The following LRMDA variants were observed in gnomAD, a reference collection of about 807,000 sequenced individuals.
LRMDA encodes the protein leucine rich melanocyte differentiation associated, also known as leucine-rich melanocyte differentiation-associated protein.
A neutral mutation model predicts 29.8 loss-of-function variants in LRMDA; 18 were observed. The ratio of observed to expected loss-of-function variants is 0.60; its 90% CI spans 0.42 to 0.90. LRMDA has a LOEUF of 0.90. Among genes scored for constraint, LRMDA ranks in the 40% least tolerant of loss-of-function variants. LRMDA has a pLI of 0.00. For missense variants in LRMDA, 273 were observed against 273.9 expected, an observed-to-expected ratio of 1.00 and a Z score of 0.02; for synonymous variants, 125 against 109.4, an observed-to-expected ratio of 1.14 and a Z score of -0.89.
At chr10:75,834,926 G>A (rs1381027991) in intron 2 of LRMDA, among the ~76,000 whole-genome samples, 1 of 152,174 alleles carries the variant, frequency 6.6e-6, no homozygotes, top group African/African-American at 2.4e-5. Flanking sequence ...GCCTGTTCAA[G>A]CCCATGTAAG....
intron 2 of LRMDA, among the ~76,000 whole-genome samples, chr10:75,897,253 T>G (rs763001578): frequency 1.3e-5 from 2 of 152,222 alleles, no homozygotes; most frequent in African/African-American, 2.4e-5. Context: ...TCAACAATTC[T>G]TTTCCTAGAA....
intron 2 of LRMDA, among the ~76,000 whole-genome samples, chr10:75,686,878 C>G (rs1842089336): frequency 6.6e-6 from 1 of 152,204 alleles, no homozygotes; most frequent in Non-Finnish European, 1.5e-5. Flanking sequence ...ATGTTAGTAA[C>G]TCTTGAAATA....
At chr10:75,814,502 G>A (rs539289133) in intron 2 of LRMDA, among the ~76,000 whole-genome samples, 11 of 152,112 alleles carry the variant, frequency 7.2e-5, no homozygotes, top group South Asian at 2.1e-4. Context: ...TTGGACTTTC[G>A]TTTTGTTTGT....
chr10:76,287,487 G>T (rs1322561), intron 5 of LRMDA, among the ~76,000 whole-genome samples: 76,748 of 151,476 alleles, frequency 0.51, 19,723 homozygotes, highest in African/African-American at 0.6. Flanking sequence ...TTGACTCTAA[G>T]CAATTTGAGG....
chr10:75,822,681 C>T (rs1279573808), intron 2 of LRMDA, among the ~76,000 whole-genome samples: 1 of 151,638 alleles, frequency 6.6e-6, no homozygotes, highest in East Asian at 1.9e-4. Flanking sequence ...TGATCTTTGA[C>T]AAAGTTGAAA....
chr10:76,537,344 T>G (rs1013136976), intron 6 of LRMDA, among the ~76,000 whole-genome samples: 3 of 152,258 alleles, frequency 2.0e-5, no homozygotes, highest in Non-Finnish European at 2.9e-5. Context: ...GTGTATATTT[T>G]AATCATAATT....
At chr10:76,338,407 A>G (rs1374727464) in intron 6 of LRMDA, among the ~76,000 whole-genome samples, 2 of 151,936 alleles carry the variant, frequency 1.3e-5, no homozygotes, top group African/African-American at 4.8e-5. Flanking sequence ...TAATAAATAA[A>G]TGGATGTAGA....
intron 2 of LRMDA, among the ~76,000 whole-genome samples, chr10:75,949,659 C>G (rs1481947620): frequency 1.3e-5 from 2 of 152,154 alleles, no homozygotes; most frequent in Non-Finnish European, 2.9e-5. Context: ...CAATATTATG[C>G]TTCTCTCCTT....
chr10:76,112,545 C>G (rs979046991), intron 5 of LRMDA, among the ~76,000 whole-genome samples: 3 of 152,244 alleles, frequency 2.0e-5, no homozygotes, highest in African/African-American at 7.2e-5. Context: ...GACCCCAAGC[C>G]CGTCAGGGGG....
At chr10:75,562,689 A>G (rs1035396011) in intron 2 of LRMDA, among the ~76,000 whole-genome samples, 2 of 152,040 alleles carry the variant, frequency 1.3e-5, no homozygotes, top group African/African-American at 4.8e-5. Context: ...TTCCATGTTT[A>G]GTGCTTCCTT....
At chr10:76,364,127 T>C (rs1195120080) in intron 6 of LRMDA, among the ~76,000 whole-genome samples, 1 of 152,138 alleles carries the variant, frequency 6.6e-6, no homozygotes, top group East Asian at 1.9e-4. Context: ...AGTGAAAATA[T>C]GTGTAGAACT....
intron 2 of LRMDA, among the ~76,000 whole-genome samples, chr10:75,716,236 G>A (rs1044671862): frequency 2.0e-5 from 3 of 152,196 alleles, no homozygotes; most frequent in Non-Finnish European, 4.4e-5. Flanking sequence ...GAAATGTTAA[G>A]TGACTGACAT....
chr10:75,989,218 T>C, intron 2 of LRMDA, among the ~76,000 whole-genome samples: 1 of 152,260 alleles, frequency 6.6e-6, no homozygotes, highest in Admixed American at 6.5e-5. Context: ...TATTAGTCCA[T>C]GCTAATTGCA....
rs1160516308 is a variant in LRMDA at position 76,558,564 on chromosome 10, G to GTTTA, written c.*1280_*1283dup. 6.6e-6 allele frequency: 1 copy of GTTTA among 152,218 alleles called. No homozygotes were observed. Among genetic ancestry groups the GTTTA allele is most frequent in the Non-Finnish European group, 1.5e-5 (1 of 68,044 alleles). The allele number at this position is 152,218 out of a possible 1,614,324, so 9.4% of individuals were successfully genotyped here. ...GATTGATTGTTCTTGACACGATAGTGTTTATTTTTCTGCTTCTTCCATTTA... is the reference window on the plus strand; with the variant it reads ...GATTGATTGTTCTTGACACGATAGTGTTTATTTATTTTTCTGCTTCTTCCATTTA... On this transcript the variant is annotated 3_prime_UTR_variant, in exon 7 of 7. Transcript: ENST00000611255.
intron 2 of LRMDA, among the ~76,000 whole-genome samples, chr10:76,018,354 G>C (rs1847912674): frequency 6.6e-6 from 1 of 152,134 alleles, no homozygotes; most frequent in Non-Finnish European, 1.5e-5. Flanking sequence ...TTCAGATGTT[G>C]CCAGAAGTCC....
intron 2 of LRMDA, among the ~76,000 whole-genome samples, chr10:75,739,427 T>C (rs1470372177): frequency 1.3e-5 from 2 of 152,186 alleles, no homozygotes; most frequent in African/African-American, 4.8e-5. Context: ...AATAGCTACA[T>C]GAAAATTAAT....
chr10:76,531,522 A>AT (rs1007054530), intron 6 of LRMDA, among the ~76,000 whole-genome samples: 5 of 151,608 alleles, frequency 3.3e-5, no homozygotes, highest in African/African-American at 1.2e-4. Flanking sequence ...GAATTTTGTC[A>AT]TTTTTTTCTG....
At chr10:76,079,415 G>T (rs1356575188) in intron 5 of LRMDA, among the ~76,000 whole-genome samples, 2 of 152,146 alleles carry the variant, frequency 1.3e-5, no homozygotes, top group Non-Finnish European at 2.9e-5. Context: ...GACCACATGG[G>T]CTCCTCAGGG....
chr10:76,007,798 G>A (rs960007314), intron 2 of LRMDA, among the ~76,000 whole-genome samples: 1 of 152,202 alleles, frequency 6.6e-6, no homozygotes, highest in African/African-American at 2.4e-5. Context: ...CAGAGGAGGG[G>A]AAGGGGAGCC....
Sources: gnomAD v4.1 joint callset for allele counts (sites outside exome capture counted in the v4.1 genomes callset) on GRCh38, gnomAD v4.1.1 for gene constraint, MANE v1.5 for transcripts, NCBI Gene and HGNC (gene_info 2026-07-23, HGNC 2026-07-21) for gene names.